The following ABCC12 variants were observed in gnomAD, a reference collection of about 807,000 sequenced individuals.
ABCC12 encodes the protein ATP binding cassette subfamily C member 12, also known as ATP-binding cassette sub-family C member 12.
ABCC12 carries 142 observed loss-of-function variants against 151.1 expected under a neutral mutation model. The observed-to-expected ratio is 0.94, with a 90% CI of 0.82 to 1.08. The LOEUF (loss-of-function observed/expected upper bound fraction) is 1.08. Ranked by LOEUF, ABCC12 falls within the 50% of genes least tolerant of loss-of-function variation. The pLI is 0.00. For missense variants in ABCC12, 1,638 were observed against 1,691.1 expected, an observed-to-expected ratio of 0.97 and a Z score of 0.55; for synonymous variants, 645 against 646.4, an observed-to-expected ratio of 1.00 and a Z score of 0.03.
chr16:48,147,620 A>C (rs576894837), intron 2 of ABCC12, among the ~76,000 whole-genome samples: 1 of 152,280 alleles, frequency 6.6e-6, no homozygotes. Context: ...GCCCAGAGAG[A>C]GGAAGGACTT....
At chr16:48,088,442 C>T in intron 26 of ABCC12, 103 bp downstream of exon 26, 1 of 1,325,796 alleles carries the variant, frequency 7.5e-7, no homozygotes, top group African/African-American at 1.5e-5. Context: ...AACAGCCAAT[C>T]TGACACACAT....
At chr16:48,097,720 G>A (rs1332687955) in intron 23 of ABCC12, among the ~76,000 whole-genome samples, 4 of 152,166 alleles carry the variant, frequency 2.6e-5, no homozygotes, top group Non-Finnish European at 4.4e-5. Context: ...GTCTTGATGT[G>A]ACGGTCCCTG....
At chr16:48,117,872 G>A (rs1963941462) in intron 13 of ABCC12, among the ~76,000 whole-genome samples, 1 of 152,224 alleles carries the variant, frequency 6.6e-6, no homozygotes, top group Non-Finnish European at 1.5e-5. Flanking sequence ...GTAGGTTGGA[G>A]AGAATGGAGT....
chr16:48,141,607 C>T (rs1964818897), intron 4 of ABCC12, among the ~76,000 whole-genome samples: 1 of 152,200 alleles, frequency 6.6e-6, no homozygotes, highest in African/African-American at 2.4e-5. Context: ...CCTCTGCCTA[C>T]CACCCATCTC....
At chr16:48,093,293 C>T (rs930007213) in intron 24 of ABCC12, among the ~76,000 whole-genome samples, 3 of 152,152 alleles carry the variant, frequency 2.0e-5, no homozygotes, top group African/African-American at 7.2e-5. Context: ...TCTGCCGGCA[C>T]CTCATACCAC....
Position 48,139,239 on chromosome 16 carries a change from G to A in ABCC12, c.755C>T (p.Ala252Val), listed in dbSNP as rs1430750744. 1.9e-6 allele frequency: 3 copies of A among 1,613,918 alleles called. No individual in the cohort carries two copies. Among genetic ancestry groups the A allele is most frequent in the African/African-American group, 2.7e-5 (2 of 74,898 alleles). ...ATIPILMVFC[A>V]AYAFFILGPT... ...CCCCAGAATGAAAAAGGCGTACGCC[G>A]CACAAAAGACCATTAGGATCGGGAT... Residue 252 changes from alanine (A) to valine (V), a missense_variant, in exon 7 of 31, where the codon GCG (alanine) becomes GTG (valine). Transcript: ENST00000311303.
chr16:48,097,513 C>T (rs975479380), intron 23 of ABCC12, among the ~76,000 whole-genome samples: 2 of 151,828 alleles, frequency 1.3e-5, no homozygotes, highest in Admixed American at 6.6e-5. Flanking sequence ...CCCTGCTGCA[C>T]GTCCACGGAG....
Position 48,108,510 on chromosome 16 carries a change from G to A in ABCC12, c.2301C>T (p.Ile767=). 1.2e-6 allele frequency: 2 copies of A among 1,614,136 alleles called. No homozygotes were observed. The highest frequency in any genetic ancestry group is 1.7e-6 in the Non-Finnish European group (2 of 1,180,028). ...TTCCTTCCTGGGGGGATTCAGTCTG[G>A]ATGAGCTGGTGCTCAGGAACTGTGG... ...VDTKVPEHQL[I]QTESPQEGTV... is the part of the protein sequence containing the mutation. Residue 767 remains isoleucine (I), a synonymous_variant, in exon 19 of 31, where the codon ATC becomes ATT. Coordinates refer to ENST00000311303, the MANE Select transcript of ABCC12 (RefSeq NM_001393797.1).
At chr16:48,114,198 G>A (rs553862084) in intron 15 of ABCC12, among the ~76,000 whole-genome samples, 5 of 152,260 alleles carry the variant, frequency 3.3e-5, no homozygotes, top group East Asian at 1.9e-4. Context: ...CGCAAAATTC[G>A]GATGCCTGGA....
At chr16:48,109,288 C>T (rs1963605413) in intron 18 of ABCC12, among the ~76,000 whole-genome samples, 1 of 152,168 alleles carries the variant, frequency 6.6e-6, no homozygotes, top group Non-Finnish European at 1.5e-5. Flanking sequence ...GCTGCATGGA[C>T]ACCTGATTCC....
intron 18 of ABCC12, among the ~76,000 whole-genome samples, 184 bp downstream of exon 18, chr16:48,111,252 C>T (rs1181690875): frequency 3.3e-5 from 5 of 152,160 alleles, no homozygotes; most frequent in African/African-American, 7.2e-5. Context: ...GGTCACAAAA[C>T]TAGTAAGTGG....
rs1489031789 is a variant in ABCC12 at position 48,153,828 on chromosome 16, T to C, written c.-263A>G. 1 of 152,214 alleles carries C rather than the reference T, an allele frequency of 6.6e-6. No homozygotes were observed. The highest frequency in any genetic ancestry group is 1.5e-5 in the Non-Finnish European group (1 of 68,038). The allele number at this position is 152,214 out of a possible 1,614,324, so 9.4% of individuals were successfully genotyped here. A position where few individuals can be genotyped will look rare whatever the true frequency, so the allele number is the denominator to read the frequency against. ...CCCAGGGCATGTGAAGTTTTGATGA[T>C]CTGAGGCGGCTTGGAAGCATTGCAG... is the stretch of plus-strand genomic sequence containing the variant. On this transcript the variant is annotated 5_prime_UTR_variant, in exon 2 of 31. Transcript: ENST00000311303.
intron 23 of ABCC12, 64 bp downstream of exon 23, chr16:48,100,808 C>A: frequency 1.3e-6 from 2 of 1,563,612 alleles, no homozygotes; most frequent in Admixed American, 1.8e-5. Flanking sequence ...TCCTCCTGTG[C>A]ACTCCCCATC....
intron 25 of ABCC12, among the ~76,000 whole-genome samples, chr16:48,089,448 A>G (rs1962785381): frequency 6.6e-6 from 1 of 152,208 alleles, no homozygotes; most frequent in South Asian, 2.1e-4. Flanking sequence ...TGAAAAAAAA[A>G]ACATTTAAGT....
intron 20 of ABCC12, among the ~76,000 whole-genome samples, chr16:48,105,758 C>A (rs896084290): frequency 3.3e-5 from 5 of 152,214 alleles, no homozygotes; most frequent in African/African-American, 1.2e-4. Context: ...AGGAACTGAC[C>A]TCCAGCATGC....
chr16:48,142,752 T>A (rs1964860774), intron 4 of ABCC12, among the ~76,000 whole-genome samples: 1 of 152,260 alleles, frequency 6.6e-6, no homozygotes, highest in Admixed American at 6.5e-5. Flanking sequence ...TGGAAAAGTC[T>A]TTATAAACTC....
At position 48,121,629 on chromosome 16, in the gene ABCC12, T is replaced by G. The variant is rs1321506181; in HGVS notation, c.1712+87A>C. 2.0e-6 allele frequency: 3 copies of G among 1,523,310 alleles called. No individual in the cohort carries two copies. In the African/African-American group the frequency reaches 4.1e-5, roughly 21 times the overall value. 94.4% of individuals were successfully genotyped at this position (1,523,310 alleles called of 1,614,324 possible). A position where few individuals can be genotyped will look rare whatever the true frequency, so the allele number is the denominator to read the frequency against. ...AGAATTCATTAAACTCAGAACCCAC[T>G]TAGCAGTCATTACCAACAGCATCAG... On this transcript the variant is annotated intron_variant, in intron 13 of 30. Coordinates refer to ENST00000311303, the MANE Select transcript of ABCC12 (RefSeq NM_001393797.1).
At position 48,108,366 on chromosome 16, in the gene ABCC12, C is replaced by T. The variant is rs557960554; in HGVS notation, c.2371+74G>A. ...AATAATTGTTAAAGAAATCATAAAA[C>T]GTGAACCCAACAGTTTAAGACAGGA... is the stretch of plus-strand genomic sequence containing the variant. On this transcript the variant is annotated intron_variant, in intron 19 of 30. Transcript: ENST00000311303. 235 of 1,336,752 alleles carry T rather than the reference C, an allele frequency of 1.8e-4. No homozygotes were observed. In the African/African-American group the frequency reaches 3.0e-3, roughly 17 times the overall value. 82.8% of individuals were successfully genotyped at this position (1,336,752 alleles called of 1,614,324 possible).
chr16:48,129,109 C>T (rs146379363), intron 10 of ABCC12, among the ~76,000 whole-genome samples: 61 of 152,384 alleles, frequency 4.0e-4, no homozygotes, highest in African/African-American at 1.3e-3. Context: ...CTGCTGTGTC[C>T]TCTTCCGAGG....
Sources: allele counts gnomAD v4.1 joint callset (sites outside exome capture counted in the v4.1 genomes callset), GRCh38; gene constraint gnomAD v4.1.1; transcripts MANE v1.5; gene names NCBI Gene and HGNC (gene_info 2026-07-23, HGNC 2026-07-21).